Variants in GDA observed in about 807,000 individuals in gnomAD.
GDA encodes cytoplasmic PSD-95 interactor.
Under a neutral mutation model 59.6 loss-of-function variants are expected in GDA, and 18 were observed. The observed-to-expected ratio is 0.30, with a 90% CI of 0.21 to 0.45. The LOEUF (loss-of-function observed/expected upper bound fraction) is 0.45. GDA is among the 20% of genes least tolerant of loss of function. The probability of loss-of-function intolerance (pLI) is 1.00; values close to 1 mark genes in which losing one functional copy is unlikely to be tolerated. For missense variants in GDA, 427 were observed against 552.3 expected, an observed-to-expected ratio of 0.77 and a Z score of 2.27; for synonymous variants, 201 against 201.1, an observed-to-expected ratio of 1.00 and a Z score of 0.00.
At chr9:72,115,181 G>A (rs1223050758) in intron 1 of GDA, among the ~76,000 whole-genome samples, 1 of 152,186 alleles carries the variant, frequency 6.6e-6, no homozygotes, top group African/African-American at 2.4e-5. Context: ...AAATTAAGAA[G>A]TTTGTTCTTG....
chr9:72,165,714 A>G (rs1417421647), intron 1 of GDA, among the ~76,000 whole-genome samples: 1 of 152,152 alleles, frequency 6.6e-6, no homozygotes, highest in African/African-American at 2.4e-5. Flanking sequence ...CCTGGCCAAC[A>G]TGGTGAAACC....
chr9:72,143,892 C>T (rs964710397), intron 1 of GDA, among the ~76,000 whole-genome samples: 1 of 151,986 alleles, frequency 6.6e-6, no homozygotes, highest in Admixed American at 6.6e-5. Context: ...AAACATATGC[C>T]GATTTTTCAA....
At chr9:72,150,275 T>A (rs1034018430) in intron 1 of GDA, among the ~76,000 whole-genome samples, 2 of 151,926 alleles carry the variant, frequency 1.3e-5, no homozygotes, top group African/African-American at 4.8e-5. Flanking sequence ...AAATAATTCA[T>A]CCATCTCTTT....
intron 1 of GDA, among the ~76,000 whole-genome samples, chr9:72,132,364 A>C (rs898249482): frequency 6.6e-6 from 1 of 152,160 alleles, no homozygotes; most frequent in Non-Finnish European, 1.5e-5. Flanking sequence ...ACAGGATATA[A>C]TAATACCCTG....
chr9:72,178,804 C>T (rs1830837357), intron 1 of GDA, among the ~76,000 whole-genome samples: 1 of 152,150 alleles, frequency 6.6e-6, no homozygotes. Context: ...ATGTCTTTAC[C>T]TATGCATTTG....
rs1835233341 is a variant in GDA, at chr9:72,210,614, C to CTGTT, written c.385-71_385-68dup. On this transcript the variant is annotated intron_variant, in intron 3 of 13. Transcript: ENST00000358399. The stretch of plus-strand genomic sequence containing the variant: ...CATTTTAAAATTAAAAACTAAAATT[C>CTGTT]TGTTTTCCTCTGGATGTACCATGTG... 10 of 801,470 alleles carry CTGTT rather than the reference C, an allele frequency of 1.2e-5. No homozygotes were observed. The South Asian group carries it at 1.5e-4, about 12-fold the overall frequency. The allele number at this position is 801,470 out of a possible 1,614,324, so 49.6% of individuals were successfully genotyped here.
At chr9:72,242,346 A>G (rs1839708421) in intron 11 of GDA, among the ~76,000 whole-genome samples, 1 of 152,188 alleles carries the variant, frequency 6.6e-6, no homozygotes, top group Admixed American at 6.5e-5. Context: ...CCCAATTCTC[A>G]CGTGTAACTG....
At chr9:72,235,373 T>A (rs565782966) in intron 10 of GDA, among the ~76,000 whole-genome samples, 3 of 152,324 alleles carry the variant, frequency 2.0e-5, no homozygotes, top group Middle Eastern at 3.4e-3. Flanking sequence ...CACAAAATTT[T>A]AAAAAATAAT....
chr9:72,247,143 T>C lies in GDA; in HGVS notation c.1267-263T>C, dbSNP rs78373336. Among the ~76,000 whole-genome samples the C allele has an allele frequency of 8.5e-3, 1,302 of 152,340 alleles. 17 individuals are homozygous for C. The highest frequency in any genetic ancestry group is 0.03 in the African/African-American group (1,237 of 41,568). ...AAATTAATTTCTTTAATTTATATAA[T>C]ACCTTTTCTCTGATGACTCAAAATT... On this transcript the variant is annotated intron_variant, in intron 12 of 13. Transcript: ENST00000358399.
At chr9:72,152,135 G>GT (rs1564165839) in intron 1 of GDA, among the ~76,000 whole-genome samples, 2 of 152,118 alleles carry the variant, frequency 1.3e-5, no homozygotes, top group African/African-American at 4.8e-5. Context: ...TTGAATAACT[G>GT]TAACACATAG....
At chr9:72,244,706 A>C (rs560865727) in intron 11 of GDA, among the ~76,000 whole-genome samples, 29 of 152,340 alleles carry the variant, frequency 1.9e-4, no homozygotes, top group African/African-American at 6.3e-4. Flanking sequence ...ATGAAAATAA[A>C]TCTTGTCAGC....
In GDA at chr9:72,140,435, A is replaced by G. The variant is rs186158816; in HGVS notation, c.-100+25602A>G. 2.6e-4 allele frequency among the ~76,000 whole-genome samples: 40 copies of G among 152,268 alleles called. No individual in the cohort carries two copies. In the East Asian group the frequency reaches 7.5e-3, roughly 29 times the overall value. On this transcript the variant is annotated intron_variant, in intron 1 of 13. Transcript: ENST00000545168. ...GAGAAGTTGGGTGCTGTAGACAGTG[A>G]TTGAACCTACAACAAAGCTGCGCTG...
intron 1 of GDA, among the ~76,000 whole-genome samples, chr9:72,114,996 A>G (rs1031287620): frequency 9.9e-5 from 15 of 152,234 alleles, no homozygotes; most frequent in African/African-American, 3.6e-4. Flanking sequence ...ATATCACAGG[A>G]ACTGCCACTA....
chr9:72,148,309 A>ATGTG (rs58161772), upstream of GDA, among the ~76,000 whole-genome samples: 57 of 145,954 alleles, frequency 3.9e-4, no homozygotes, highest in African/African-American at 1.4e-3. Context: ...TGGTGTGTGT[A>ATGTG]TGTGTGTGTG....
chr9:72,242,446 A>G (rs984315348), intron 11 of GDA, among the ~76,000 whole-genome samples: 4 of 152,226 alleles, frequency 2.6e-5, no homozygotes, highest in Non-Finnish European at 5.9e-5. Context: ...TGATAGTGAA[A>G]CACAGCATGA....
chr9:72,214,210 T>A (rs1835791053), intron 5 of GDA, among the ~76,000 whole-genome samples: 1 of 152,252 alleles, frequency 6.6e-6, no homozygotes, highest in South Asian at 2.1e-4. Flanking sequence ...AGCTTTCCTT[T>A]GTAGTGCCAC....
At chr9:72,128,994 G>A (rs1182701081) in intron 1 of GDA, among the ~76,000 whole-genome samples, 3 of 149,298 alleles carry the variant, frequency 2.0e-5, no homozygotes, top group African/African-American at 7.4e-5. Context: ...ACAGAGTTTC[G>A]CTGTTTTGCC....
intron 1 of GDA, among the ~76,000 whole-genome samples, chr9:72,117,302 T>C (rs1214961939): frequency 6.6e-6 from 1 of 152,148 alleles, no homozygotes; most frequent in East Asian, 1.9e-4. Flanking sequence ...ATATTAAGGT[T>C]TTAAAAAAGG....
chr9:72,225,084 C>A (rs1161590935), intron 7 of GDA, among the ~76,000 whole-genome samples: 1 of 152,132 alleles, frequency 6.6e-6, no homozygotes, highest in Non-Finnish European at 1.5e-5. Context: ...GAGTTTGAGA[C>A]CAGCCTGGCC....
Sources: allele counts gnomAD v4.1 joint callset (sites outside exome capture counted in the v4.1 genomes callset), GRCh38; gene constraint gnomAD v4.1.1; transcripts MANE v1.5; gene names NCBI Gene and HGNC (gene_info 2026-07-23, HGNC 2026-07-21).